Variants in NAV2 observed in about 807,000 individuals in gnomAD.
NAV2 encodes the protein neuron navigator 2, also known as helicase, APC down-regulated 1.
A neutral mutation model predicts 223.2 loss-of-function variants in NAV2; 54 were observed. The ratio of observed to expected loss-of-function variants is 0.24; its 90% CI spans 0.19 to 0.30. NAV2 has a LOEUF of 0.30. Among genes scored for constraint, NAV2 ranks in the 10% least tolerant of loss-of-function variants. The pLI, the probability that NAV2 is intolerant of heterozygous loss-of-function variation, is 1.00. For missense variants in NAV2, 2,806 were observed against 3,147.5 expected, an observed-to-expected ratio of 0.89 and a Z score of 2.60; for synonymous variants, 1,279 against 1,239.3, an observed-to-expected ratio of 1.03 and a Z score of -0.67.
chr11:19,578,303 A>G (rs1412867700), intron 1 of NAV2, among the ~76,000 whole-genome samples: 1 of 152,254 alleles, frequency 6.6e-6, no homozygotes, highest in African/African-American at 2.4e-5. Flanking sequence ...GCTGTGAGCC[A>G]GGCCCTGCTG....
chr11:19,812,924 T>C (rs1015112522), intron 1 of NAV2, among the ~76,000 whole-genome samples: 8 of 152,144 alleles, frequency 5.3e-5, no homozygotes, highest in Non-Finnish European at 1.2e-4. Context: ...GGCCCCTATC[T>C]CTGAGCTTGG....
chr11:20,073,309 T>C (rs2059521265), intron 22 of NAV2, among the ~76,000 whole-genome samples: 1 of 152,156 alleles, frequency 6.6e-6, no homozygotes, highest in African/African-American at 2.4e-5. Context: ...TGGATAAGCT[T>C]TTTGATGTGC....
At chr11:19,858,604 A>G (rs986889334) in intron 3 of NAV2, among the ~76,000 whole-genome samples, 2 of 152,096 alleles carry the variant, frequency 1.3e-5, no homozygotes, top group African/African-American at 2.4e-5. Flanking sequence ...TCTATTTTTA[A>G]TATTTTGAGG....
rs536049628 is a variant in NAV2 at position 20,022,473 on chromosome 11, C to G, written c.2769-13486C>G. ...GGCACTGCATCAAAATTGACATCACCGGAAATAATGTATGTGTGTCGTTGT... is the reference window on the plus strand; with the variant it reads ...GGCACTGCATCAAAATTGACATCACGGGAAATAATGTATGTGTGTCGTTGT... On this transcript the variant is annotated intron_variant, in intron 11 of 37. Coordinates refer to ENST00000349880, the MANE Select transcript of NAV2 (RefSeq NM_145117.5). 6.8e-6 allele frequency: 6 copies of G among 887,356 alleles called. No homozygotes were observed. In the South Asian group the frequency reaches 3.1e-4, roughly 46 times the overall value. The allele number at this position is 887,356 out of a possible 1,614,324, so 55.0% of individuals were successfully genotyped here. A position where few individuals can be genotyped will look rare whatever the true frequency, so the allele number is the denominator to read the frequency against.
chr11:20,108,958 G>GT (rs964452646), intron 36 of NAV2, among the ~76,000 whole-genome samples: 2 of 152,150 alleles, frequency 1.3e-5, no homozygotes, highest in Non-Finnish European at 2.9e-5. Flanking sequence ...GTTTCCAAGA[G>GT]TTTTTTTGTT....
intron 6 of NAV2, among the ~76,000 whole-genome samples, chr11:19,913,115 A>G (rs1350969738): frequency 6.6e-6 from 1 of 152,198 alleles, no homozygotes; most frequent in Non-Finnish European, 1.5e-5. Flanking sequence ...TATTGACAGC[A>G]GGTTTGAATC....
At chr11:20,070,958 A>T (rs2059364034) in intron 22 of NAV2, among the ~76,000 whole-genome samples, 1 of 151,350 alleles carries the variant, frequency 6.6e-6, no homozygotes, top group Non-Finnish European at 1.5e-5. Flanking sequence ...GGTTTTTTAA[A>T]TTTTTTTTTT....
chr11:20,094,120 G>A (rs895397185), intron 29 of NAV2, among the ~76,000 whole-genome samples: 13 of 151,678 alleles, frequency 8.6e-5, no homozygotes, highest in African/African-American at 2.2e-4. Context: ...TTCCATTAGC[G>A]TCATCTAGCC....
chr11:19,937,187 C>T (rs1037142258), intron 7 of NAV2, among the ~76,000 whole-genome samples: 1 of 152,128 alleles, frequency 6.6e-6, no homozygotes, highest in Non-Finnish European at 1.5e-5. Context: ...AGACCAGGCT[C>T]TTAACCACCA....
intron 11 of NAV2, among the ~76,000 whole-genome samples, chr11:20,020,278 G>C (rs184935545): frequency 6.6e-6 from 1 of 152,288 alleles, no homozygotes; most frequent in African/African-American, 2.4e-5. Flanking sequence ...TTTATAGATG[G>C]CTCTGTGAGT....
At chr11:19,519,880 T>C (rs1278402691) in intron 1 of NAV2, 1 of 152,232 alleles carries the variant, frequency 6.6e-6, no homozygotes, top group Non-Finnish European at 1.5e-5. Flanking sequence ...TCTCTGGGAA[T>C]GCTGAGGCTG....
chr11:20,092,090 G>A (rs946306028), intron 27 of NAV2, 116 bp from the exon 28 acceptor site: 60 of 942,268 alleles, frequency 6.4e-5, no homozygotes, highest in African/African-American at 9.8e-5. Context: ...GGTGTTGTTC[G>A]CCTTGGGTGG....
At chr11:19,439,440 T>A (rs1230729365) in intron 1 of NAV2, among the ~76,000 whole-genome samples, 1 of 152,166 alleles carries the variant, frequency 6.6e-6, no homozygotes, top group East Asian at 1.9e-4. Flanking sequence ...GGGCACCACA[T>A]AATCACACCG....
intron 1 of NAV2, among the ~76,000 whole-genome samples, chr11:19,803,244 T>C (rs10741801): frequency 0.94 from 143,054 of 152,236 alleles, 67,883 homozygotes; most frequent in East Asian, 1. Context: ...ATCACCAGTT[T>C]ATCTGTTGAA....
intron 2 of NAV2, among the ~76,000 whole-genome samples, chr11:19,841,040 TG>T (rs1232991582): frequency 1.3e-5 from 2 of 152,246 alleles, no homozygotes; most frequent in African/African-American, 4.8e-5. Flanking sequence ...GTGCTTTTCA[TG>T]GCACCTCTTT....
chr11:19,949,546 C>T (rs1444185562), intron 10 of NAV2, among the ~76,000 whole-genome samples: 6 of 152,182 alleles, frequency 3.9e-5, no homozygotes, highest in Non-Finnish European at 7.3e-5. Context: ...ATTCTGCTTC[C>T]CAGATCTTTG....
intron 1 of NAV2, among the ~76,000 whole-genome samples, chr11:19,560,483 C>T (rs1319396166): frequency 6.6e-6 from 1 of 152,148 alleles, no homozygotes; most frequent in Admixed American, 6.5e-5. Context: ...GAGCAATGTG[C>T]CTCAGATGTC....
intron 1 of NAV2, among the ~76,000 whole-genome samples, chr11:19,567,131 T>A (rs1007885492): frequency 7.2e-5 from 11 of 152,228 alleles, no homozygotes; most frequent in African/African-American, 2.4e-4. Context: ...GCTGACAGCT[T>A]CACAGATACT....
chr11:19,757,409 A>T (rs2054319858), intron 1 of NAV2, among the ~76,000 whole-genome samples: 1 of 152,178 alleles, frequency 6.6e-6, no homozygotes, highest in Non-Finnish European at 1.5e-5. Flanking sequence ...CTGGGGCTGC[A>T]GGTTGCACAA....
Sources: gnomAD v4.1 joint callset for allele counts (sites outside exome capture counted in the v4.1 genomes callset) on GRCh38, gnomAD v4.1.1 for gene constraint, MANE v1.5 for transcripts, NCBI Gene and HGNC (gene_info 2026-07-23, HGNC 2026-07-21) for gene names.